Variants in SEMA3A observed in about 807,000 individuals in gnomAD.
SEMA3A encodes the protein semaphorin 3A.
SEMA3A carries 29 observed loss-of-function variants against 97.9 expected under a neutral mutation model. The observed-to-expected ratio is 0.30, with a 90% CI of 0.22 to 0.40. SEMA3A has a LOEUF of 0.40. SEMA3A is among the 10% of genes least tolerant of loss of function. The pLI is 1.00. For missense variants in SEMA3A, 763 were observed against 951.3 expected, an observed-to-expected ratio of 0.80 and a Z score of 2.60; for synonymous variants, 321 against 323.7, an observed-to-expected ratio of 0.99 and a Z score of 0.09.
chr7:84,477,836 C>T (rs185239844), intron 1 of SEMA3A, among the ~76,000 whole-genome samples: 4 of 152,232 alleles, frequency 2.6e-5, no homozygotes, highest in Admixed American at 1.3e-4. Context: ...ATGCAATTTC[C>T]GTGAAAGTTA....
intron 1 of SEMA3A, among the ~76,000 whole-genome samples, chr7:84,432,873 T>C (rs1285312220): frequency 6.6e-6 from 1 of 151,822 alleles, no homozygotes; most frequent in Non-Finnish European, 1.5e-5. Flanking sequence ...TTTTTTTTTT[T>C]TTTTGTAGAA....
chr7:84,009,139 C>T (rs1283874452), intron 9 of SEMA3A, among the ~76,000 whole-genome samples: 1 of 152,174 alleles, frequency 6.6e-6, no homozygotes, highest in East Asian at 1.9e-4. Flanking sequence ...TCTTAGGTCC[C>T]ATTTAATTTC....
chr7:84,092,563 C>T (rs1298930412), intron 4 of SEMA3A, among the ~76,000 whole-genome samples: 1 of 151,998 alleles, frequency 6.6e-6, no homozygotes, highest in Non-Finnish European at 1.5e-5. Context: ...AAAAGATCTC[C>T]ACAAAATTTT....
chr7:84,421,013 A>G (rs1804575665), intron 1 of SEMA3A, among the ~76,000 whole-genome samples: 1 of 151,564 alleles, frequency 6.6e-6, no homozygotes, highest in South Asian at 2.1e-4. Context: ...GATCTTAGTT[A>G]TTTCTTTTCT....
intron 3 of SEMA3A, among the ~76,000 whole-genome samples, chr7:84,252,433 T>C (rs536760822): frequency 3.3e-5 from 5 of 152,308 alleles, no homozygotes; most frequent in African/African-American, 9.6e-5. Flanking sequence ...CCAGATGTGG[T>C]ATTGAGTCTG....
At chr7:84,396,717 C>T (rs1405847474) in intron 1 of SEMA3A, among the ~76,000 whole-genome samples, 1 of 151,926 alleles carries the variant, frequency 6.6e-6, no homozygotes, top group Non-Finnish European at 1.5e-5. Flanking sequence ...ACAATTTCTG[C>T]TTGAAGCTTT....
At chr7:84,313,405 TAA>T (rs1330663412) in intron 2 of SEMA3A, among the ~76,000 whole-genome samples, 20 of 107,114 alleles carry the variant, frequency 1.9e-4, no homozygotes, top group African/African-American at 9.2e-4. Flanking sequence ...TATATATATA[TAA>T]ACTATACGTG....
At chr7:84,140,957 A>G (rs750308246) in intron 1 of SEMA3A, among the ~76,000 whole-genome samples, 1 of 152,188 alleles carries the variant, frequency 6.6e-6, no homozygotes, top group Non-Finnish European at 1.5e-5. Flanking sequence ...TCAGAGATAA[A>G]TAAATTTGCA....
intron 3 of SEMA3A, among the ~76,000 whole-genome samples, chr7:84,230,052 A>T (rs907551452): frequency 2.0e-5 from 3 of 151,918 alleles, no homozygotes; most frequent in East Asian, 1.9e-4. Flanking sequence ...TCTTCTAATT[A>T]TCTAGTTTTC....
upstream of SEMA3A, chr7:84,194,796 G>GAAAA: frequency 6.5e-6 from 1 of 153,430 alleles, no homozygotes; most frequent in South Asian, 3.0e-4. Flanking sequence ...CCTCCAAAAA[G>GAAAA]AAAAAAAAAA....
chr7:84,290,759 C>T (rs1157684983), intron 3 of SEMA3A, among the ~76,000 whole-genome samples: 2 of 152,064 alleles, frequency 1.3e-5, no homozygotes, highest in Non-Finnish European at 2.9e-5. Context: ...AATATGTTAC[C>T]TCTACTGGAC....
At chr7:84,454,383 C>T (rs923665181) in intron 1 of SEMA3A, among the ~76,000 whole-genome samples, 1 of 152,090 alleles carries the variant, frequency 6.6e-6, no homozygotes, top group African/African-American at 2.4e-5. Context: ...ATTAAGGTAA[C>T]AGCTTAGTTA....
rs758080359 is a variant in SEMA3A, at chr7:83,958,945, G to A, written c.*2426C>T. On this transcript the variant is annotated 3_prime_UTR_variant, in exon 17 of 17. Transcript: ENST00000265362. ...CTATTTAAAGCTGAATTATTAAATG[G>A]GCCAATAATTCTTTTTCGTGCAAAC... The A allele has an allele frequency of 6.6e-6, 1 of 151,916 alleles. No individual in the cohort carries two copies. Among genetic ancestry groups the A allele is most frequent in the Non-Finnish European group, 1.5e-5 (1 of 67,908 alleles). The allele number at this position is 151,916 out of a possible 1,614,324, so 9.4% of individuals were successfully genotyped here.
chr7:84,424,905 A>G (rs1233016566), intron 1 of SEMA3A, among the ~76,000 whole-genome samples: 1 of 60,698 alleles, frequency 1.6e-5, no homozygotes, highest in Non-Finnish European at 2.6e-5. Context: ...ATTTATATAA[A>G]CATAAATATA....
At chr7:84,094,056 T>C (rs994126849) in intron 4 of SEMA3A, among the ~76,000 whole-genome samples, 1 of 152,068 alleles carries the variant, frequency 6.6e-6, no homozygotes, top group Non-Finnish European at 1.5e-5. Context: ...CCATTTGCCT[T>C]TTTTGAAGTT....
At chr7:84,471,907 CA>C (rs1806162370) in intron 1 of SEMA3A, among the ~76,000 whole-genome samples, 1 of 151,588 alleles carries the variant, frequency 6.6e-6, no homozygotes, top group Admixed American at 6.6e-5. Context: ...AGTGGATCTT[CA>C]AATCATCTGA....
chr7:84,171,446 C>T (rs930951960), intron 1 of SEMA3A, among the ~76,000 whole-genome samples: 2 of 152,032 alleles, frequency 1.3e-5, no homozygotes, highest in African/African-American at 2.4e-5. Context: ...TGTTAATTAC[C>T]TGTAAATATG....
intron 2 of SEMA3A, among the ~76,000 whole-genome samples, chr7:84,315,782 G>C (rs1329970399): frequency 6.6e-6 from 1 of 151,732 alleles, no homozygotes; most frequent in Non-Finnish European, 1.5e-5. Flanking sequence ...GTGATAACTA[G>C]GTTTTATATT....
intron 1 of SEMA3A, among the ~76,000 whole-genome samples, chr7:84,443,955 T>C (rs1475454834): frequency 2.0e-5 from 3 of 149,468 alleles, no homozygotes; most frequent in Non-Finnish European, 3.0e-5. Context: ...GGTGTGATCT[T>C]GGCTCCCTTC....
Sources: gnomAD v4.1 joint callset for allele counts (sites outside exome capture counted in the v4.1 genomes callset) on GRCh38, gnomAD v4.1.1 for gene constraint, MANE v1.5 for transcripts, NCBI Gene and HGNC (gene_info 2026-07-23, HGNC 2026-07-21) for gene names.